Variants in PHKB observed in about 807,000 individuals in gnomAD.
PHKB encodes phosphorylase kinase regulatory subunit beta.
PHKB carries 122 observed loss-of-function variants against 152.1 expected under a neutral mutation model. The observed-to-expected ratio is 0.80, with a 90% CI of 0.69 to 0.93. PHKB has a LOEUF of 0.93. Among genes scored for constraint, PHKB ranks in the 40% least tolerant of loss-of-function variants. The pLI, the probability that PHKB is intolerant of heterozygous loss-of-function variation, is 0.00. For synonymous variants in PHKB, 436 were observed against 464.9 expected, an observed-to-expected ratio of 0.94 and a Z score of 0.80; for missense variants, 1,304 against 1,328.4, an observed-to-expected ratio of 0.98 and a Z score of 0.29.
chr16:47,556,166 G>C (rs1250277151), intron 7 of PHKB, among the ~76,000 whole-genome samples: 1 of 152,190 alleles, frequency 6.6e-6, no homozygotes, highest in East Asian at 1.9e-4. Context: ...TTGAGATTTT[G>C]GGCTGAGACA....
At chr16:47,501,006 T>C (rs1435501563) in intron 3 of PHKB, among the ~76,000 whole-genome samples, 3 of 152,200 alleles carry the variant, frequency 2.0e-5, no homozygotes, top group Non-Finnish European at 4.4e-5. Context: ...CACACTTGAA[T>C]GCTGACATCA....
intron 1 of PHKB, among the ~76,000 whole-genome samples, chr16:47,470,402 T>C (rs916335734): frequency 2.6e-5 from 4 of 152,238 alleles, no homozygotes; most frequent in African/African-American, 7.2e-5. Flanking sequence ...AGAATGCCTT[T>C]AAGCGGTTTT....
chr16:47,505,156 G>A (rs866173297), intron 4 of PHKB, among the ~76,000 whole-genome samples: 5 of 152,146 alleles, frequency 3.3e-5, no homozygotes, highest in Non-Finnish European at 2.9e-5. Context: ...GAGGTTTTAC[G>A]ACCCAAAGGA....
intron 28 of PHKB, among the ~76,000 whole-genome samples, chr16:47,694,237 T>A (rs752402577): frequency 6.6e-6 from 1 of 152,230 alleles, no homozygotes; most frequent in Admixed American, 6.5e-5. Context: ...TTCTTTGATG[T>A]GATTATTTAA....
At chr16:47,482,320 A>G (rs1262998193) in intron 1 of PHKB, among the ~76,000 whole-genome samples, 1 of 152,188 alleles carries the variant, frequency 6.6e-6, no homozygotes, top group East Asian at 1.9e-4. Flanking sequence ...ACTAGCATTC[A>G]TTACCTACAA....
intron 14 of PHKB, among the ~76,000 whole-genome samples, chr16:47,633,189 A>G (rs1972856770): frequency 6.6e-6 from 1 of 152,202 alleles, no homozygotes; most frequent in African/African-American, 2.4e-5. Flanking sequence ...TATAGTGTAT[A>G]TAAATGTGTA....
intron 7 of PHKB, 123 bp from the exon 8 acceptor site, chr16:47,580,172 C>T (rs1942707995): frequency 2.6e-6 from 2 of 759,324 alleles, no homozygotes; most frequent in African/African-American, 1.8e-5. Context: ...AGACATTATT[C>T]TTCTTACAGA....
chr16:47,606,095 G>T (rs886661205), intron 13 of PHKB, among the ~76,000 whole-genome samples: 1 of 152,222 alleles, frequency 6.6e-6, no homozygotes, highest in African/African-American at 2.4e-5. Flanking sequence ...CTGCTGCAGA[G>T]GCAGCGGTGG....
intron 13 of PHKB, among the ~76,000 whole-genome samples, chr16:47,609,590 CACTTTATGT>C (rs1175459228): frequency 6.6e-6 from 1 of 151,728 alleles, no homozygotes; most frequent in Non-Finnish European, 1.5e-5. Flanking sequence ...AAGTTTCAAT[CACTTTATGT>C]ACTTTTTACC....
Position 47,599,107 on chromosome 16 carries a change from T to C in PHKB, c.1363+2576T>C, listed in dbSNP as rs992715382. 5.7e-6 allele frequency: 3 copies of C among 523,788 alleles called. No individual in the cohort carries two copies. In the Admixed American group the frequency reaches 1.1e-4, roughly 19 times the overall value. 32.4% of individuals were successfully genotyped at this position (523,788 alleles called of 1,614,324 possible). Reference sequence around the variant, plus strand: ...GAATGTTATTTCCGTCTCACTAGCATAATTACAAAGAAGCTTTGTTGTTAC... The same window carrying C: ...GAATGTTATTTCCGTCTCACTAGCACAATTACAAAGAAGCTTTGTTGTTAC... On this transcript the variant is annotated intron_variant, in intron 13 of 30. Coordinates refer to ENST00000323584, the MANE Select transcript of PHKB (RefSeq NM_000293.3).
At chr16:47,565,377 G>T (rs1356640283) in intron 7 of PHKB, 2 of 983,354 alleles carry the variant, frequency 2.0e-6, no homozygotes, top group Non-Finnish European at 3.3e-6. Flanking sequence ...GGTTGAGCTG[G>T]AGCTACTTTT....
At chr16:47,630,688 T>C (rs1414268912) in intron 14 of PHKB, among the ~76,000 whole-genome samples, 1 of 152,192 alleles carries the variant, frequency 6.6e-6, no homozygotes, top group Non-Finnish European at 1.5e-5. Flanking sequence ...GCTGCCCAGC[T>C]ATTTGGTCAA....
At chr16:47,601,398 T>G (rs1972223413) in intron 13 of PHKB, among the ~76,000 whole-genome samples, 1 of 152,160 alleles carries the variant, frequency 6.6e-6, no homozygotes, top group Admixed American at 6.5e-5. Context: ...TACTAACATA[T>G]CAGCTTTTAA....
At position 47,598,891 on chromosome 16, in the gene PHKB, A is replaced by G. The variant is rs1323870599; in HGVS notation, c.1363+2360A>G. ...CTTTCTATATGCTGCATTTTTAGGG[A>G]TTTCCTCAAGAACGTCAAGAATCTT... is the stretch of plus-strand genomic sequence containing the variant. On this transcript the variant is annotated intron_variant, in intron 13 of 30. Transcript: ENST00000323584. 19 of 1,602,468 alleles carry G rather than the reference A, an allele frequency of 1.2e-5. No individual in the cohort carries two copies. The East Asian group carries it at 4.0e-4, about 34-fold the overall frequency.
At chr16:47,618,344 A>T (rs1972556718) in intron 14 of PHKB, among the ~76,000 whole-genome samples, 1 of 152,120 alleles carries the variant, frequency 6.6e-6, no homozygotes, top group African/African-American at 2.4e-5. Flanking sequence ...AAGAGAGATG[A>T]GAACTGAGAG....
intron 1 of PHKB, among the ~76,000 whole-genome samples, chr16:47,486,514 C>T (rs1440664205): frequency 6.6e-6 from 1 of 152,172 alleles, no homozygotes. Context: ...TGCTTGCTGT[C>T]TCAGCAGCTC....
chr16:47,525,625 C>T (rs1005804196), intron 6 of PHKB, among the ~76,000 whole-genome samples: 1 of 152,142 alleles, frequency 6.6e-6, no homozygotes, highest in Non-Finnish European at 1.5e-5. Flanking sequence ...TTAATCTGCC[C>T]CACCGTGTGT....
chr16:47,465,788 A>G (rs1354051510), intron 1 of PHKB, among the ~76,000 whole-genome samples: 1 of 152,168 alleles, frequency 6.6e-6, no homozygotes, highest in African/African-American at 2.4e-5. Flanking sequence ...TACTCCATTT[A>G]TATTGGAAAT....
chr16:47,618,539 A>T (rs964083921), intron 14 of PHKB, among the ~76,000 whole-genome samples: 2 of 152,188 alleles, frequency 1.3e-5, no homozygotes, highest in Non-Finnish European at 2.9e-5. Flanking sequence ...AATAATTATG[A>T]TGTCCCCAAA....
Sources: gnomAD v4.1 joint callset for allele counts (sites outside exome capture counted in the v4.1 genomes callset) on GRCh38, gnomAD v4.1.1 for gene constraint, MANE v1.5 for transcripts, NCBI Gene and HGNC (gene_info 2026-07-23, HGNC 2026-07-21) for gene names.